The following IFT43 variants were observed in gnomAD, a reference collection of about 807,000 sequenced individuals.
The protein encoded by IFT43 is intraflagellar transport 43.
A neutral mutation model predicts 32.3 loss-of-function variants in IFT43; 33 were observed. The ratio of observed to expected loss-of-function variants is 1.02; its 90% CI spans 0.77 to 1.37. The LOEUF (loss-of-function observed/expected upper bound fraction) is 1.37, where lower values mean the gene tolerates loss of function less well. IFT43 is among the 40% of genes most tolerant of loss of function. IFT43 has a pLI of 0.00. For synonymous variants in IFT43, 93 were observed against 98.2 expected (o/e 0.95, Z 0.31); for missense variants, 274 against 265.9 (o/e 1.03, Z -0.21).
chr14:76,083,484 TC>T lies in IFT43; in HGVS notation c.535del (p.Leu179CysfsTer63), dbSNP rs1449500209. 3 of 1,614,126 alleles carry T rather than the reference TC, an allele frequency of 1.9e-6. No homozygotes were observed. Among genetic ancestry groups the T allele is most frequent in the Non-Finnish European group, 2.5e-6 (3 of 1,179,998 alleles). The stretch of plus-strand genomic sequence containing the variant: ...ATGATGTCGGCTGGGACTGGGACCA[TC>T]TGTTCACTGAGGTGTCCTCAGAGGT... Reference protein sequence around the residue: ...EDDVGWDWDHLFTEVSSEVLT... With the variant: ...EDDVGWDWDHXFTEVSSEVLT... On this transcript the variant is annotated frameshift_variant, in exon 9 of 9. Coordinates refer to ENST00000314067, the MANE Select transcript of IFT43 (RefSeq NM_001102564.3). LOFTEE classifies it high-confidence loss of function.
At chr14:75,995,568 G>T (rs1005351663) in intron 2 of IFT43, among the ~76,000 whole-genome samples, 1 of 152,108 alleles carries the variant, frequency 6.6e-6, no homozygotes, top group Non-Finnish European at 1.5e-5. Flanking sequence ...AGCCTCACTC[G>T]GCCGGAGCTC....
chr14:76,046,356 G>C (rs1490230563), intron 3 of IFT43, among the ~76,000 whole-genome samples: 1 of 152,114 alleles, frequency 6.6e-6, no homozygotes, highest in East Asian at 1.9e-4. Context: ...CAGGTCAGGT[G>C]GCGAGGGCAG....
intron 3 of IFT43, among the ~76,000 whole-genome samples, chr14:76,035,613 T>C (rs925820143): frequency 6.6e-6 from 1 of 152,258 alleles, no homozygotes; most frequent in African/African-American, 2.4e-5. Context: ...CAAAAACTCA[T>C]GGAGCCAGAG....
rs149996263 is a variant in IFT43 at position 76,080,758 on chromosome 14, C to T, written c.296-1537C>T. Among the ~76,000 whole-genome samples, 16 of 152,116 alleles carry T rather than the reference C, an allele frequency of 1.1e-4. No homozygotes were observed. In the East Asian group the frequency reaches 2.1e-3, roughly 20 times the overall value. ...AATGGACTGTATTAATCACGTAGAA[C>T]GAGAGGGAAAAAGAAAGCTAAATTT... On this transcript the variant is annotated intron_variant, in intron 5 of 8. Coordinates refer to ENST00000314067, the MANE Select transcript of IFT43 (RefSeq NM_001102564.3).
intron 2 of IFT43, among the ~76,000 whole-genome samples, chr14:75,989,392 C>T (rs1294435039): frequency 6.6e-6 from 1 of 152,018 alleles, no homozygotes; most frequent in South Asian, 2.1e-4. Flanking sequence ...GGAAGCAGAT[C>T]ATTTACTGGC....
intron 3 of IFT43, among the ~76,000 whole-genome samples, chr14:76,033,327 G>A (rs1481525967): frequency 3.3e-5 from 5 of 152,164 alleles, no homozygotes; most frequent in African/African-American, 1.2e-4. Flanking sequence ...GAAGTAGGGG[G>A]TTAACTGATG....
At chr14:76,016,385 T>C (rs2139939535) in intron 2 of IFT43, among the ~76,000 whole-genome samples, 1 of 152,318 alleles carries the variant, frequency 6.6e-6, no homozygotes, top group East Asian at 1.9e-4. Flanking sequence ...ATTTATTCCT[T>C]GGTTTTCTAT....
Position 76,059,359 on chromosome 14 carries a change from C to T in IFT43, c.281C>T (p.Ser94Leu). 6.2e-7 allele frequency: 1 copy of T among 1,614,008 alleles called. No homozygotes were observed. The change falls in exon 5 of 9, where the codon TCA becomes TTA. Residue 94 changes from serine to leucine, a missense_variant. By Grantham distance (145) the Ser-to-Leu change is moderately radical (BLOSUM62 -2). Coordinates refer to ENST00000314067, the MANE Select transcript of IFT43 (RefSeq NM_001102564.3). ...CTCAGACCACAGAGCCTGAATGGAT[C>T]AGATTATGGAGGAGGTAAGAGGCCC... ...FRLRPQSLNG[S>L]DYGGDIPIIP...
intron 2 of IFT43, among the ~76,000 whole-genome samples, chr14:75,999,267 A>ATATATG (rs1289360596): frequency 4.1e-5 from 1 of 24,494 alleles, no homozygotes; most frequent in Non-Finnish European, 6.3e-5. Context: ...ATATATATAT[A>ATATATG]TATATGTATA....
intron 1 of IFT43, among the ~76,000 whole-genome samples, chr14:75,987,757 A>G (rs373645628): frequency 1.5e-3 from 228 of 152,352 alleles, no homozygotes; most frequent in African/African-American, 5.1e-3. Flanking sequence ...CCTTAGAGGC[A>G]GAGTCTCCAC....
In IFT43 at chr14:76,036,690, C is replaced by T. The variant is rs2036606481; in HGVS notation, c.215+14296C>T. Among the ~76,000 whole-genome samples the T allele has an allele frequency of 2.6e-5, 4 of 152,158 alleles. No homozygotes were observed. The South Asian group carries it at 8.3e-4, about 32-fold the overall frequency. ...AAAGTGCTGGGATTACAGGCGTGAGCCACCATGCCTGGCCTAGTTGTTATA... is the reference window on the plus strand; with the variant it reads ...AAAGTGCTGGGATTACAGGCGTGAGTCACCATGCCTGGCCTAGTTGTTATA... On this transcript the variant is annotated intron_variant, in intron 3 of 8. Transcript: ENST00000314067.
At chr14:76,026,464 A>G (rs945359783) in intron 3 of IFT43, among the ~76,000 whole-genome samples, 2 of 150,900 alleles carry the variant, frequency 1.3e-5, no homozygotes, top group African/African-American at 4.9e-5. Context: ...AGACCAAGGC[A>G]GTAGAATTGC....
intron 3 of IFT43, among the ~76,000 whole-genome samples, chr14:76,041,262 G>A (rs1191145931): frequency 1.3e-5 from 2 of 152,208 alleles, no homozygotes; most frequent in Admixed American, 6.5e-5. Context: ...GTCAATTATT[G>A]GAGCCAAGAG....
chr14:76,066,089 C>T (rs1008674503), intron 5 of IFT43, among the ~76,000 whole-genome samples: 1 of 152,346 alleles, frequency 6.6e-6, no homozygotes, highest in Non-Finnish European at 1.5e-5. Flanking sequence ...ACTGGCGTCT[C>T]CTTCCACAGG....
intron 5 of IFT43, among the ~76,000 whole-genome samples, chr14:76,069,619 CTAAA>C (rs748907800): frequency 4.7e-4 from 71 of 152,302 alleles, no homozygotes; most frequent in Non-Finnish European, 6.8e-4. Context: ...GGAATAATCT[CTAAA>C]TATGCAATTA....
chr14:76,011,365 GA>G (rs1803385178), intron 2 of IFT43, among the ~76,000 whole-genome samples: 1 of 152,174 alleles, frequency 6.6e-6, no homozygotes, highest in Non-Finnish European at 1.5e-5. Context: ...AATCAAATTG[GA>G]AGGCTTGATT....
At chr14:76,016,661 A>G (rs2036193989) in intron 2 of IFT43, among the ~76,000 whole-genome samples, 2 of 152,184 alleles carry the variant, frequency 1.3e-5, no homozygotes, top group South Asian at 4.1e-4. Context: ...AGTCATTCTA[A>G]CAATATTAAT....
intron 3 of IFT43, among the ~76,000 whole-genome samples, chr14:76,031,598 G>C (rs1220598537): frequency 1.3e-5 from 2 of 151,982 alleles, no homozygotes; most frequent in Non-Finnish European, 2.9e-5. Flanking sequence ...GTCATATCTG[G>C]AATTTATTTT....
At chr14:76,047,674 T>TGCCC (rs2036833784) in intron 3 of IFT43, among the ~76,000 whole-genome samples, 1 of 151,388 alleles carries the variant, frequency 6.6e-6, no homozygotes, top group Non-Finnish European at 1.5e-5. Context: ...GAGGCAGGAC[T>TGCCC]GCCCGCCCGC....
Sources: gnomAD v4.1 joint callset for allele counts (sites outside exome capture counted in the v4.1 genomes callset) on GRCh38, gnomAD v4.1.1 for gene constraint, MANE v1.5 for transcripts, NCBI Gene and HGNC (gene_info 2026-07-23, HGNC 2026-07-21) for gene names.